Variants in MYH11 observed in about 807,000 individuals in gnomAD.
MYH11 encodes the protein myosin heavy chain 11, also known as myosin-11.
In MYH11, 80 loss-of-function variants were observed where a neutral mutation model predicts 246.6. The observed-to-expected ratio is 0.32, with a 90% CI of 0.27 to 0.39. MYH11 has a LOEUF of 0.39. MYH11 is among the 10% of genes least tolerant of loss of function. The pLI, the probability that MYH11 is intolerant of heterozygous loss-of-function variation, is 1.00. For synonymous variants in MYH11, 1,071 were observed against 1,015.5 expected (o/e 1.05, Z -1.04); for missense variants, 2,158 against 2,546.8 (o/e 0.85, Z 3.29).
At chr16:15,795,060 T>C (rs1223825976) in intron 4 of MYH11, among the ~76,000 whole-genome samples, 3 of 151,712 alleles carry the variant, frequency 2.0e-5, no homozygotes, top group Non-Finnish European at 4.4e-5. Context: ...TCCCAGCACT[T>C]TGGGAGGCTG....
At chr16:15,832,133 C>G (rs1013436143) in intron 2 of MYH11, among the ~76,000 whole-genome samples, 3 of 152,056 alleles carry the variant, frequency 2.0e-5, no homozygotes, top group Non-Finnish European at 4.4e-5. Flanking sequence ...GGCCAGGTCT[C>G]TAAGGCGGAA....
intron 24 of MYH11, among the ~76,000 whole-genome samples, 155 bp downstream of exon 24, chr16:15,738,410 G>A (rs1173407328): frequency 6.6e-6 from 1 of 152,136 alleles, no homozygotes; most frequent in African/African-American, 2.4e-5. Flanking sequence ...CTGCTCAGGA[G>A]GCTGAGGCAG....
At chr16:15,721,762 G>T in intron 31 of MYH11, 128 bp from the exon 32 acceptor site, 2 of 902,946 alleles carry the variant, frequency 2.2e-6, no homozygotes, top group Non-Finnish European at 3.5e-6. Context: ...GTGTAGGTTA[G>T]CTATGGGAGT....
At chr16:15,718,925 C>T in intron 36 of MYH11, 1 of 439,412 alleles carries the variant, frequency 2.3e-6, no homozygotes, top group Non-Finnish European at 4.2e-6. Context: ...GTCAGGAGTT[C>T]AAGACTAGCC....
At chr16:15,765,561 C>A (rs1217241336) in intron 9 of MYH11, among the ~76,000 whole-genome samples, 1 of 152,200 alleles carries the variant, frequency 6.6e-6, no homozygotes, top group Non-Finnish European at 1.5e-5. Flanking sequence ...ACCCAGAGTT[C>A]TGGCTTCAAA....
chr16:15,758,118 C>T, intron 12 of MYH11, 118 bp from the exon 13 acceptor site: 2 of 1,458,024 alleles, frequency 1.4e-6, no homozygotes, highest in Non-Finnish European at 1.9e-6. Flanking sequence ...CCTGTTCTGC[C>T]ATCCCAGCAC....
rs545281780 is a variant in MYH11 at position 15,827,022 on chromosome 16, A to G, written c.346-3611T>C. Among the ~76,000 whole-genome samples, 879 of 145,458 alleles carry G rather than the reference A, an allele frequency of 6.0e-3. 14 individuals carry two copies. Among genetic ancestry groups the G allele is most frequent in the African/African-American group, 0.022 (832 of 37,766 alleles). ...AAAAAAAAAAAAAAAAAAAAAAAAAAGGAAACAGGATTGATGGAGACGGAG... is the reference window on the plus strand; with the variant it reads ...AAAAAAAAAAAAAAAAAAAAAAAAAGGGAAACAGGATTGATGGAGACGGAG... On this transcript the variant is annotated intron_variant, in intron 2 of 40. Transcript: ENST00000300036.
intron 1 of MYH11, among the ~76,000 whole-genome samples, chr16:15,845,072 G>A (rs1286634433): frequency 6.6e-6 from 1 of 152,114 alleles, no homozygotes; most frequent in African/African-American, 2.4e-5. Flanking sequence ...ACTGCAGAAT[G>A]CGTGCTTCTG....
Position 15,724,323 on chromosome 16 carries a change from G to T in MYH11, c.4203C>A (p.Ile1401=), listed in dbSNP as rs760611400. The T allele has an allele frequency of 5.6e-6, 9 of 1,613,968 alleles. No homozygotes were observed. Among genetic ancestry groups the T allele is most frequent in the Admixed American group, 3.3e-5 (2 of 59,988 alleles). The change falls in exon 31 of 41, where the codon ATC becomes ATA. Residue 1401 remains isoleucine (I), a synonymous_variant. Coordinates refer to ENST00000300036, the MANE Select transcript of MYH11 (RefSeq NM_002474.3). ...EEGKKRFQKE[I]ENLTQQYEEK... ...CCTCGTACTGCTGGGTGAGGTTCTC[G>T]ATCTCCTTCTGGAACCTCTTCTTCC...
Position 15,788,077 on chromosome 16 carries a change from C to CTTTTTT in MYH11, c.531-1351_531-1346dup, listed in dbSNP as rs1555569336. ...GTCCTCCTGGAATATGAAGGTAGAT[C>CTTTTTT]TTTTTTTTTTTTTTTTTTACCAAGA... is the stretch of plus-strand genomic sequence containing the variant. On this transcript the variant is annotated intron_variant, in intron 4 of 40. Transcript: ENST00000300036. Among the ~76,000 whole-genome samples, 27 of 55,364 alleles carry CTTTTTT rather than the reference C, an allele frequency of 4.9e-4. 7 individuals are homozygous for CTTTTTT. The highest frequency in any genetic ancestry group is 1.5e-3 in the Admixed American group (7 of 4,632). 36.3% of individuals were successfully genotyped at this position (55,364 alleles called of 152,430 possible).
intron 3 of MYH11, among the ~76,000 whole-genome samples, chr16:15,806,341 T>C (rs1215617147): frequency 1.4e-5 from 2 of 140,256 alleles, no homozygotes; most frequent in African/African-American, 2.6e-5. Flanking sequence ...AGGTCACATA[T>C]GATTCCATTT....
chr16:15,727,421 G>A (rs1379166140), intron 27 of MYH11, among the ~76,000 whole-genome samples: 7 of 151,864 alleles, frequency 4.6e-5, no homozygotes, highest in Middle Eastern at 3.2e-3. Flanking sequence ...GGCTGCTCTC[G>A]AACTCCTGAC....
intron 1 of MYH11, among the ~76,000 whole-genome samples, chr16:15,852,528 T>C (rs544510817): frequency 1.3e-5 from 2 of 151,930 alleles, no homozygotes; most frequent in Non-Finnish European, 2.9e-5. Flanking sequence ...AGATAGGGTT[T>C]AGCAGAGACC....
chr16:15,759,695 T>C lies in MYH11; in HGVS notation c.1282A>G (p.Thr428Ala), dbSNP rs1555563221. The C allele has an allele frequency of 1.2e-6, 2 of 1,614,236 alleles. No individual in the cohort carries two copies. Among genetic ancestry groups the C allele is most frequent in the Non-Finnish European group, 1.7e-6 (2 of 1,180,032 alleles). Residue 428 changes from threonine to alanine, a missense_variant, in exon 12 of 41, where the codon ACA becomes GCA. Thr to Ala is a moderately conservative substitution (Grantham distance 58). Coordinates refer to ENST00000300036, the MANE Select transcript of MYH11 (RefSeq NM_002474.3). Reference sequence around the variant, plus strand: ...ATCCAGCGGAAAAGGCGCTCATATGTTGCCTTGGCCAAAGCCTCTACAGCA... The same window carrying C: ...ATCCAGCGGAAAAGGCGCTCATATGCTGCCTTGGCCAAAGCCTCTACAGCA... ...DFAVEALAKA[T>A]YERLFRWILT... is the part of the protein sequence containing the mutation.
In MYH11 at chr16:15,726,955, C is replaced by G. The variant is rs2040795490; in HGVS notation, c.3751G>C (p.Glu1251Gln). The G allele has an allele frequency of 1.2e-6, 2 of 1,613,416 alleles. No individual in the cohort carries two copies. The highest frequency in any genetic ancestry group is 2.7e-5 in the African/African-American group (2 of 74,864). ...RVLGQAKQEV[E>Q]HKKKKLEAQV... Reference sequence around the variant, plus strand: ...GCCTCCAGCTTCTTCTTCTTATGTTCCACCTCCTGCTTGGCCTGGCCCAGG... The same window carrying G: ...GCCTCCAGCTTCTTCTTCTTATGTTGCACCTCCTGCTTGGCCTGGCCCAGG... Residue 1251 changes from glutamate to glutamine, a missense_variant, in exon 28 of 41, where the codon GAA becomes CAA. Physicochemically the swap from Glu to Gln is conservative, Grantham distance 29 (BLOSUM62 2). Transcript: ENST00000300036.
chr16:15,771,464 G>A (rs2042099176), intron 9 of MYH11, 105 bp downstream of exon 9: 1 of 1,137,522 alleles, frequency 8.8e-7, no homozygotes, highest in Admixed American at 2.4e-5. Context: ...AATGGAAGGT[G>A]GGGAATTCAG....
chr16:15,829,628 GC>G (rs1482076196), intron 2 of MYH11, among the ~76,000 whole-genome samples: 1 of 152,194 alleles, frequency 6.6e-6, no homozygotes, highest in Non-Finnish European at 1.5e-5. Flanking sequence ...CTGTGTCCCA[GC>G]CGGCATCTCA....
At chr16:15,850,107 G>A (rs1018589422) in intron 1 of MYH11, among the ~76,000 whole-genome samples, 6 of 152,200 alleles carry the variant, frequency 3.9e-5, no homozygotes, top group Non-Finnish European at 4.4e-5. Flanking sequence ...AAATTAGGCC[G>A]GGCATGGTGG....
intron 33 of MYH11, 38 bp downstream of exon 33, chr16:15,720,801 C>T (rs1210325413): frequency 1.2e-6 from 2 of 1,602,838 alleles, no homozygotes; most frequent in Admixed American, 1.7e-5. Context: ...AAAAAGGCCA[C>T]CCGACCTCCC....
Sources: allele counts gnomAD v4.1 joint callset (sites outside exome capture counted in the v4.1 genomes callset), GRCh38; gene constraint gnomAD v4.1.1; transcripts MANE v1.5; gene names NCBI Gene and HGNC (gene_info 2026-07-23, HGNC 2026-07-21).